The following SLCO4C1 variants were observed in gnomAD, a reference collection of about 807,000 sequenced individuals.
SLCO4C1 encodes the protein organic anion transporter M1.
Under a neutral mutation model 72.1 loss-of-function variants are expected in SLCO4C1, and 58 were observed. The observed-to-expected ratio is 0.80, with a 90% CI of 0.65 to 1.00. The LOEUF (loss-of-function observed/expected upper bound fraction) is 1.00, where lower values mean the gene tolerates loss of function less well. SLCO4C1 is among the 50% of genes least tolerant of loss of function. SLCO4C1 has a pLI of 0.00. For synonymous variants in SLCO4C1, 297 were observed against 312.5 expected (o/e 0.95, Z 0.52); for missense variants, 898 against 857.9 (o/e 1.05, Z -0.58).
intron 2 of SLCO4C1, among the ~76,000 whole-genome samples, chr5:102,280,477 T>C (rs114330463): frequency 0.011 from 1,745 of 151,906 alleles, 25 homozygotes; most frequent in African/African-American, 0.04. Flanking sequence ...ATAAATGGAG[T>C]ATAAATCCAT....
intron 2 of SLCO4C1, among the ~76,000 whole-genome samples, chr5:102,280,071 TC>T: frequency 7.7e-6 from 1 of 130,666 alleles, no homozygotes; most frequent in South Asian, 2.4e-4. Flanking sequence ...TACTGGAAGT[TC>T]TAACCAGTGC....
At chr5:102,275,215 T>A (rs10063293) in intron 2 of SLCO4C1, among the ~76,000 whole-genome samples, 1 of 151,402 alleles carries the variant, frequency 6.6e-6, no homozygotes, top group Non-Finnish European at 1.5e-5. Context: ...TAAAACCCCA[T>A]AGAAAAGAAG....
chr5:102,235,082 A>G lies in SLCO4C1; in HGVS notation c.*1776T>C, dbSNP rs1384978692. On this transcript the variant is annotated 3_prime_UTR_variant, in exon 13 of 13. Coordinates refer to ENST00000310954, the MANE Select transcript of SLCO4C1 (RefSeq NM_180991.5). ...TAATATTCAAGTATGCTGCTTCCCT[A>G]ACTCCTCATTCCTTCTCCTTGAATT... The G allele has an allele frequency of 6.6e-6, 1 of 152,074 alleles. No individual in the cohort carries two copies. The highest frequency in any genetic ancestry group is 1.5e-5 in the Non-Finnish European group (1 of 68,032). The allele number at this position is 152,074 out of a possible 1,614,324, so 9.4% of individuals were successfully genotyped here. A position where few individuals can be genotyped will look rare whatever the true frequency, so the allele number is the denominator to read the frequency against.
chr5:102,292,838 A>G (rs1275670336), intron 1 of SLCO4C1, among the ~76,000 whole-genome samples: 3 of 152,040 alleles, frequency 2.0e-5, no homozygotes, highest in African/African-American at 7.2e-5. Context: ...TTACTTAGGT[A>G]TGATAAATTG....
chr5:102,251,389 A>G (rs913434911), intron 8 of SLCO4C1, among the ~76,000 whole-genome samples: 18 of 152,332 alleles, frequency 1.2e-4, no homozygotes, highest in African/African-American at 4.3e-4. Flanking sequence ...GATAGGAAGC[A>G]GATTAAAGAA....
chr5:102,241,261 G>C (rs1748534999), intron 10 of SLCO4C1, among the ~76,000 whole-genome samples: 1 of 152,102 alleles, frequency 6.6e-6, no homozygotes, highest in Admixed American at 6.6e-5. Flanking sequence ...GTCCTATCCA[G>C]AGTAAGTAGG....
chr5:102,258,877 TTAATAA>T (rs931510234), intron 6 of SLCO4C1, among the ~76,000 whole-genome samples: 1 of 151,414 alleles, frequency 6.6e-6, no homozygotes, highest in African/African-American at 2.4e-5. Context: ...TTTAAAATAA[TTAATAA>T]TAATAAAAAT....
chr5:102,264,292 A>G (rs1748995359), intron 3 of SLCO4C1, among the ~76,000 whole-genome samples: 1 of 152,058 alleles, frequency 6.6e-6, no homozygotes, highest in African/African-American at 2.4e-5. Flanking sequence ...CCCTATTTTT[A>G]CTTGCAGTAG....
Position 102,235,473 on chromosome 5 carries a change from G to C in SLCO4C1, c.*1385C>G, listed in dbSNP as rs1312285915. On this transcript the variant is annotated 3_prime_UTR_variant, in exon 13 of 13. Coordinates refer to ENST00000310954, the MANE Select transcript of SLCO4C1 (RefSeq NM_180991.5). The stretch of plus-strand genomic sequence containing the variant: ...TACCCTCCATATTCTCAGCAAAGTT[G>C]GCATAAATCTGACCTGAATAAACAG... 1 of 152,266 alleles carries C rather than the reference G, an allele frequency of 6.6e-6. No individual in the cohort carries two copies. The highest frequency in any genetic ancestry group is 2.1e-4 in the South Asian group (1 of 4,820). 9.4% of individuals were successfully genotyped at this position (152,266 alleles called of 1,614,324 possible).
At chr5:102,257,899 T>C (rs760721943) in intron 7 of SLCO4C1, 44 bp downstream of exon 7, 1 of 1,545,196 alleles carries the variant, frequency 6.5e-7, no homozygotes. Context: ...AAATTTAATA[T>C]AGTAAAGTAA....
chr5:102,287,162 AC>A (rs1365775349), intron 2 of SLCO4C1, among the ~76,000 whole-genome samples: 2 of 142,856 alleles, frequency 1.4e-5, no homozygotes, highest in Non-Finnish European at 3.2e-5. Context: ...TAATTAATTT[AC>A]AGGAAGCTTT....
intron 8 of SLCO4C1, among the ~76,000 whole-genome samples, 161 bp downstream of exon 8, chr5:102,256,954 A>C (rs1381194354): frequency 6.6e-6 from 1 of 152,202 alleles, no homozygotes; most frequent in Admixed American, 6.5e-5. Flanking sequence ...AGAAGACATC[A>C]ATTATCTAAA....
At chr5:102,245,716 T>C (rs1748624213) in intron 10 of SLCO4C1, among the ~76,000 whole-genome samples, 1 of 152,158 alleles carries the variant, frequency 6.6e-6, no homozygotes, top group South Asian at 2.1e-4. Flanking sequence ...TACAGAACAT[T>C]GCATCCAATA....
At chr5:102,277,380 A>T (rs1749265476) in intron 2 of SLCO4C1, among the ~76,000 whole-genome samples, 1 of 151,916 alleles carries the variant, frequency 6.6e-6, no homozygotes, top group Admixed American at 6.6e-5. Context: ...TGAAATCTAC[A>T]CTGGTAGCCT....
At chr5:102,286,553 A>G (rs1293288543) in intron 2 of SLCO4C1, among the ~76,000 whole-genome samples, 1 of 152,148 alleles carries the variant, frequency 6.6e-6, no homozygotes, top group Admixed American at 6.5e-5. Context: ...AATGTCAAAT[A>G]TGACTTATTT....
At chr5:102,278,944 T>C (rs1221929901) in intron 2 of SLCO4C1, among the ~76,000 whole-genome samples, 1 of 149,314 alleles carries the variant, frequency 6.7e-6, no homozygotes, top group Non-Finnish European at 1.5e-5. Context: ...TAGAGAAAAA[T>C]AATAATAGAA....
At chr5:102,286,085 G>A (rs1230702562) in intron 2 of SLCO4C1, among the ~76,000 whole-genome samples, 1 of 151,986 alleles carries the variant, frequency 6.6e-6, no homozygotes, top group African/African-American at 2.4e-5. Context: ...GCTTTTGTAA[G>A]TAGTTACCAA....
chr5:102,271,787 G>T (rs868009682), intron 2 of SLCO4C1, among the ~76,000 whole-genome samples: 39 of 151,990 alleles, frequency 2.6e-4, no homozygotes, highest in Middle Eastern at 3.4e-3. Flanking sequence ...ACAAACAATG[G>T]TTTTATCTTA....
chr5:102,250,143 T>C (rs56152409), intron 8 of SLCO4C1, among the ~76,000 whole-genome samples: 3,847 of 152,274 alleles, frequency 0.025, 167 homozygotes, highest in African/African-American at 0.088. Flanking sequence ...AGTAGCACTC[T>C]CCTTCATTAC....
Sources: gnomAD v4.1 joint callset for allele counts (sites outside exome capture counted in the v4.1 genomes callset) on GRCh38, gnomAD v4.1.1 for gene constraint, MANE v1.5 for transcripts, NCBI Gene and HGNC (gene_info 2026-07-23, HGNC 2026-07-21) for gene names.